Variants in CATSPERE observed in about 807,000 individuals in gnomAD.
The protein encoded by CATSPERE is cation channel sperm-associated auxiliary subunit epsilon.
Under a neutral mutation model 114.1 loss-of-function variants are expected in CATSPERE, and 93 were observed. The observed-to-expected ratio is 0.81, with a 90% CI of 0.69 to 0.97. CATSPERE has a LOEUF of 0.97. CATSPERE is among the 50% of genes least tolerant of loss of function. The probability of loss-of-function intolerance (pLI) is 0.00; values close to 1 mark genes in which losing one functional copy is unlikely to be tolerated. For synonymous variants in CATSPERE, 341 were observed against 384.1 expected (o/e 0.89, Z 1.31); for missense variants, 1,058 against 1,131.6 (o/e 0.93, Z 0.93).
At chr1:244,580,000 A>G (rs1665922571) in intron 11 of CATSPERE, among the ~76,000 whole-genome samples, 1 of 152,068 alleles carries the variant, frequency 6.6e-6, no homozygotes, top group Non-Finnish European at 1.5e-5. Context: ...CACTACTCCT[A>G]CTGCTACCAT....
At chr1:244,602,614 T>G (rs1337607788) in intron 17 of CATSPERE, among the ~76,000 whole-genome samples, 1 of 152,146 alleles carries the variant, frequency 6.6e-6, no homozygotes, top group African/African-American at 2.4e-5. Flanking sequence ...CACAGCTGGA[T>G]TCAGAGTCCC....
At chr1:244,588,419 G>A in intron 13 of CATSPERE, 63 bp from the exon 14 acceptor site, 1 of 1,240,990 alleles carries the variant, frequency 8.1e-7, no homozygotes, top group Non-Finnish European at 1.2e-6. Flanking sequence ...GGTTTTAGCT[G>A]TAATATTTTA....
intron 1 of CATSPERE, among the ~76,000 whole-genome samples, chr1:244,462,594 G>A (rs1047705306): frequency 3.9e-5 from 6 of 152,192 alleles, no homozygotes; most frequent in Middle Eastern, 3.4e-3. Flanking sequence ...TGTATTGAAA[G>A]GGATCTTAGA....
intron 10 of CATSPERE, among the ~76,000 whole-genome samples, chr1:244,564,995 A>G (rs955163473): frequency 2.6e-5 from 4 of 152,144 alleles, no homozygotes; most frequent in African/African-American, 7.2e-5. Context: ...TTCTGCATCT[A>G]TTGAGACAAA....
intron 20 of CATSPERE, among the ~76,000 whole-genome samples, chr1:244,626,485 CAAAAA>C (rs35687880): frequency 1.5e-5 from 1 of 66,876 alleles, no homozygotes. Context: ...AATTCCATCT[CAAAAA>C]AAAAAAAAAA....
At chr1:244,494,238 G>A (rs1314114467) in intron 6 of CATSPERE, among the ~76,000 whole-genome samples, 2 of 152,026 alleles carry the variant, frequency 1.3e-5, no homozygotes, top group African/African-American at 2.4e-5. Flanking sequence ...TTAAGAAAAT[G>A]TGGCACATAT....
At chr1:244,521,197 A>G (rs1397731860) in intron 8 of CATSPERE, among the ~76,000 whole-genome samples, 1 of 152,014 alleles carries the variant, frequency 6.6e-6, no homozygotes, top group African/African-American at 2.4e-5. Flanking sequence ...CTATACAAAA[A>G]TTAAAAATTA....
chr1:244,520,957 A>G (rs1677438684), intron 8 of CATSPERE, among the ~76,000 whole-genome samples: 1 of 152,262 alleles, frequency 6.6e-6, no homozygotes, highest in Non-Finnish European at 1.5e-5. Flanking sequence ...TGAAGTTATT[A>G]GCATACTGAA....
At chr1:244,489,294 G>A (rs989991733) in intron 5 of CATSPERE, among the ~76,000 whole-genome samples, 1 of 151,988 alleles carries the variant, frequency 6.6e-6, no homozygotes, top group Non-Finnish European at 1.5e-5. Flanking sequence ...GTGAGGGAAG[G>A]ATTTGTCATG....
chr1:244,476,499 A>T (rs1669372872), intron 2 of CATSPERE, among the ~76,000 whole-genome samples: 2 of 152,110 alleles, frequency 1.3e-5, no homozygotes, highest in East Asian at 3.8e-4. Flanking sequence ...TTTTAAAGTT[A>T]TGTTGTATCT....
At chr1:244,483,671 A>G (rs900898451) in intron 5 of CATSPERE, among the ~76,000 whole-genome samples, 3 of 152,000 alleles carry the variant, frequency 2.0e-5, no homozygotes, top group East Asian at 3.8e-4. Flanking sequence ...TTTTATTTTC[A>G]TAATAATTTA....
intron 18 of CATSPERE, among the ~76,000 whole-genome samples, chr1:244,608,579 C>T (rs1670302563): frequency 6.6e-6 from 1 of 152,016 alleles, no homozygotes; most frequent in African/African-American, 2.4e-5. Context: ...ACAGTTTACC[C>T]TCTGACCTCA....
intron 15 of CATSPERE, 92 bp downstream of exon 15, chr1:244,591,823 A>G (rs372606122): frequency 2.0e-5 from 16 of 791,122 alleles, no homozygotes; most frequent in Admixed American, 5.6e-5. Context: ...TATTATTAGC[A>G]TCCATGTGTT....
chr1:244,491,683 C>G (rs917616698), intron 6 of CATSPERE, among the ~76,000 whole-genome samples: 1 of 151,786 alleles, frequency 6.6e-6, no homozygotes, highest in Admixed American at 6.6e-5. Flanking sequence ...CCAACAAAAT[C>G]GATAGACCGC....
intron 8 of CATSPERE, among the ~76,000 whole-genome samples, chr1:244,526,263 G>A (rs1302684240): frequency 1.3e-5 from 2 of 152,020 alleles, no homozygotes; most frequent in Non-Finnish European, 2.9e-5. Context: ...ACAAAAATTA[G>A]CCAGGCATGG....
At chr1:244,611,853 C>T (rs1484375533) in intron 19 of CATSPERE, among the ~76,000 whole-genome samples, 1 of 152,156 alleles carries the variant, frequency 6.6e-6, no homozygotes, top group East Asian at 1.9e-4. Flanking sequence ...AATCATGAAG[C>T]TTGCCTCAAT....
intron 21 of CATSPERE, among the ~76,000 whole-genome samples, chr1:244,638,403 T>A (rs1027918469): frequency 1.3e-5 from 2 of 152,200 alleles, no homozygotes; most frequent in Admixed American, 1.3e-4. Context: ...TGCCTCTCTC[T>A]CCCTAGTAAA....
intron 8 of CATSPERE, 106 bp downstream of exon 8, chr1:244,518,804 T>G (rs1017800527): frequency 7.0e-6 from 4 of 568,244 alleles, no homozygotes; most frequent in Admixed American, 3.7e-5. Context: ...TATTTTCAAG[T>G]GCCTTCTTTT....
rs747190837 is a variant in CATSPERE at position 244,568,893 on chromosome 1, A to AAAAAAC, written c.1508-3421_1508-3416dup. On this transcript the variant is annotated intron_variant, in intron 10 of 21. Coordinates refer to ENST00000366534, the MANE Select transcript of CATSPERE (RefSeq NM_001130957.2). This position sits in a 1 kb window ranked among gnomAD's most constrained non-coding sequence, Gnocchi z 4.4. ...GTTCCTGGCACCACTGGGGTATGAA[A>AAAAAAC]AAAAACAAAAACAAAAACAAAGACA... 1.3e-5 allele frequency among the ~76,000 whole-genome samples: 2 copies of AAAAAAC among 152,142 alleles called. No individual in the cohort carries two copies. The highest frequency in any genetic ancestry group is 2.4e-5 in the African/African-American group (1 of 41,424).
Sources: gnomAD v4.1 joint callset for allele counts (sites outside exome capture counted in the v4.1 genomes callset) on GRCh38, gnomAD v4.1.1 for gene constraint, Gnocchi (gnomAD v3.1) non-coding constraint, MANE v1.5 for transcripts, NCBI Gene and HGNC (gene_info 2026-07-23, HGNC 2026-07-21) for gene names.